Variants in HLA-DRB1 observed in about 807,000 individuals in gnomAD.
HLA-DRB1 encodes the protein major histocompatibility complex, class II, DR beta 1.
Under a neutral mutation model 27.9 loss-of-function variants are expected in HLA-DRB1, and 10 were observed. The observed-to-expected ratio is 0.36, with a 90% CI of 0.22 to 0.61. The LOEUF (loss-of-function observed/expected upper bound fraction) is 0.61, where lower values mean the gene tolerates loss of function less well. HLA-DRB1 is among the 20% of genes least tolerant of loss of function. The pLI is 0.73. For missense variants in HLA-DRB1, 118 were observed against 306.3 expected, an observed-to-expected ratio of 0.39 and a Z score of 4.59; for synonymous variants, 57 against 126.7, an observed-to-expected ratio of 0.45 and a Z score of 3.69.
intron 1 of HLA-DRB1, among the ~76,000 whole-genome samples, chr6:32,587,519 C>G (rs72844251): frequency 0.15 from 13,537 of 88,742 alleles, 2,942 homozygotes; most frequent in Admixed American, 0.17. Context: ...TCTCCATTTC[C>G]TTGCTTTCTA....
intron 1 of HLA-DRB1, among the ~76,000 whole-genome samples, chr6:32,585,835 C>G (rs1259113723): frequency 2.0e-5 from 3 of 146,790 alleles, no homozygotes; most frequent in Admixed American, 6.9e-5. Context: ...CTTATAACCT[C>G]TCAATTTTAG....
chr6:32,585,972 A>AC (rs199755128), intron 1 of HLA-DRB1, among the ~76,000 whole-genome samples: 789 of 67,406 alleles, frequency 0.012, no homozygotes, highest in East Asian at 0.046. Context: ...AGTGATGGCG[A>AC]CTGGATTCAT....
At chr6:32,586,326 A>G (rs34646374) in intron 1 of HLA-DRB1, among the ~76,000 whole-genome samples, 1,053 of 80,112 alleles carry the variant, frequency 0.013, 3 homozygotes, top group East Asian at 0.036. Context: ...AAATGGTCCA[A>G]TCCAGTTTCC....
intron 2 of HLA-DRB1, among the ~76,000 whole-genome samples, chr6:32,583,849 C>A (rs1775906029): frequency 1.4e-5 from 1 of 70,312 alleles, no homozygotes; most frequent in African/African-American, 5.8e-5. Context: ...AAGAAACAGC[C>A]CCCTCCTGCC....
At chr6:32,582,387 A>T (rs9269841) in intron 2 of HLA-DRB1, among the ~76,000 whole-genome samples, 1 of 111,992 alleles carries the variant, frequency 8.9e-6, no homozygotes, top group Non-Finnish European at 1.8e-5. Flanking sequence ...ATCACACTTG[A>T]GTGCTCCACT....
intron 1 of HLA-DRB1, among the ~76,000 whole-genome samples, chr6:32,587,944 T>C (rs17203769): frequency 0.27 from 34,312 of 125,188 alleles, 2,856 homozygotes; most frequent in East Asian, 0.3. Flanking sequence ...GTGGTTTACA[T>C]GAATAAACCA....
At chr6:32,585,178 A>ATG (rs1776220115) in intron 1 of HLA-DRB1, among the ~76,000 whole-genome samples, 1 of 87,676 alleles carries the variant, frequency 1.1e-5, no homozygotes, top group Admixed American at 1.2e-4. Flanking sequence ...GATAAATGCA[A>ATG]AATGAATGAA....
chr6:32,583,775 T>A (rs9269920), intron 2 of HLA-DRB1, among the ~76,000 whole-genome samples: 2,778 of 47,874 alleles, frequency 0.058, 341 homozygotes, highest in East Asian at 0.23. Context: ...AATCAAGGTC[T>A]CCTCTCTCTC....
At chr6:32,582,964 AT>A (rs1445601158) in intron 2 of HLA-DRB1, among the ~76,000 whole-genome samples, 2 of 140,530 alleles carry the variant, frequency 1.4e-5, no homozygotes, top group African/African-American at 5.3e-5. Context: ...GTTGCAATAT[AT>A]TTTATTAAAT....
intron 1 of HLA-DRB1, among the ~76,000 whole-genome samples, 178 bp downstream of exon 1, chr6:32,589,465 G>T (rs17210945): frequency 1.2e-5 from 1 of 84,430 alleles, no homozygotes; most frequent in East Asian, 4.0e-4. Flanking sequence ...GTCTCATGAA[G>T]AGGGCAAGTA....
chr6:32,586,591 CTA>C (rs1247419362), intron 1 of HLA-DRB1, among the ~76,000 whole-genome samples: 6 of 55,990 alleles, frequency 1.1e-4, no homozygotes, highest in African/African-American at 1.5e-4. Context: ...ATCCATCTCC[CTA>C]TGTATCCTCT....
intron 1 of HLA-DRB1, among the ~76,000 whole-genome samples, chr6:32,585,993 ACT>A (rs66506244): frequency 0.39 from 37,711 of 96,476 alleles, 8,350 homozygotes; most frequent in Middle Eastern, 0.55. Context: ...TTTATTTATC[ACT>A]CCATTCTCAT....
chr6:32,581,363 G>A (rs28732316), intron 3 of HLA-DRB1, among the ~76,000 whole-genome samples, 194 bp downstream of exon 3: 7,029 of 56,712 alleles, frequency 0.12, 48 homozygotes, highest in Middle Eastern at 0.21. Context: ...CCTGGCAGGC[G>A]AGACTGCTTC....
At chr6:32,583,692 G>C (rs9269917) in intron 2 of HLA-DRB1, among the ~76,000 whole-genome samples, 2,427 of 39,930 alleles carry the variant, frequency 0.061, 423 homozygotes, top group East Asian at 0.22. Flanking sequence ...CCCCTCAGCA[G>C]TCCTCCCCTA....
chr6:32,588,364 G>A (rs17210265), intron 1 of HLA-DRB1, among the ~76,000 whole-genome samples: 18,232 of 116,144 alleles, frequency 0.16, 1,878 homozygotes, highest in East Asian at 0.2. Flanking sequence ...TGAGGAGGGA[G>A]GATCACTTGA....
chr6:32,584,158 G>T lies in HLA-DRB1; in HGVS notation c.321C>A (p.Tyr107Ter), dbSNP rs11554463. ...CCACAACCCCGTAGTTGTGTCTGCA[G>T]TAGGTGTCCACCGCGGCCCGCGCCT... The change falls in exon 2 of 6, where the codon TAC (tyrosine) becomes TAA (stop). Residue 107 changes from tyrosine (Y) to a stop codon, truncating the protein, a stop_gained. Coordinates refer to ENST00000360004, the Ensembl canonical transcript of HLA-DRB1. LOFTEE classifies it high-confidence loss of function. 1,748 of 1,225,982 alleles carry T rather than the reference G, an allele frequency of 1.4e-3. 2 individuals are homozygous for T. The highest frequency in any genetic ancestry group is 3.8e-3 in the East Asian group (115 of 30,436). 75.9% of individuals were successfully genotyped at this position (1,225,982 alleles called of 1,614,324 possible).
chr6:32,587,344 A>T (rs9270131), intron 1 of HLA-DRB1, among the ~76,000 whole-genome samples: 19,405 of 54,910 alleles, frequency 0.35, 8,554 homozygotes, highest in Non-Finnish European at 0.39. Context: ...ATTGTGCCAC[A>T]GCAATCTAGC....
At chr6:32,588,477 C>T (rs36062318) in intron 1 of HLA-DRB1, among the ~76,000 whole-genome samples, 1 of 70,584 alleles carries the variant, frequency 1.4e-5, no homozygotes. Flanking sequence ...AAGTCTCTTT[C>T]AATGAATCTC....
At chr6:32,581,138 T>C (rs1775402888) in intron 3 of HLA-DRB1, among the ~76,000 whole-genome samples, 1 of 77,976 alleles carries the variant, frequency 1.3e-5, no homozygotes, top group Non-Finnish European at 2.7e-5. Flanking sequence ...TTGTCTAGAG[T>C]GACAAAGCTA....
Sources: gnomAD v4.1 joint callset for allele counts (sites outside exome capture counted in the v4.1 genomes callset) on GRCh38, gnomAD v4.1.1 for gene constraint, MANE v1.5 for transcripts, NCBI Gene and HGNC (gene_info 2026-07-23, HGNC 2026-07-21) for gene names.